ATP1A4: variants seen among roughly 807,000 people sequenced by gnomAD.
The protein encoded by ATP1A4 is ATPase Na+/K+ transporting subunit alpha 4.
A neutral mutation model predicts 114.3 loss-of-function variants in ATP1A4; 90 were observed. That is an observed-to-expected ratio of 0.79 (90% CI 0.66 to 0.94). ATP1A4 has a LOEUF of 0.94. Ranked by LOEUF, ATP1A4 falls within the 40% of genes least tolerant of loss-of-function variation. ATP1A4 has a pLI of 0.00. For synonymous variants in ATP1A4, 511 were observed against 494.1 expected (o/e 1.03, Z -0.45); for missense variants, 1,222 against 1,313.6 (o/e 0.93, Z 1.08).
chr1:160,175,121 C>A (rs747807728), intron 15 of ATP1A4, among the ~76,000 whole-genome samples: 21 of 152,080 alleles, frequency 1.4e-4, no homozygotes, highest in Non-Finnish European at 2.5e-4. Flanking sequence ...TTAGGAGGGT[C>A]CCCTAGGAAC....
chr1:160,173,968 A>G (rs1653358071), intron 13 of ATP1A4, 143 bp from the exon 14 acceptor site: 1 of 1,121,782 alleles, frequency 8.9e-7, no homozygotes, highest in Admixed American at 2.7e-5. Context: ...GGATGTGTCA[A>G]TTTGGGGACA....
intron 18 of ATP1A4, among the ~76,000 whole-genome samples, chr1:160,179,499 C>G (rs142309772): frequency 7.4e-4 from 112 of 152,310 alleles, no homozygotes; most frequent in Middle Eastern, 3.4e-3. Flanking sequence ...TTGCCCTGAG[C>G]AACAAACTCT....
At chr1:160,156,838 G>A (rs1370569925) in intron 4 of ATP1A4, among the ~76,000 whole-genome samples, 1 of 152,072 alleles carries the variant, frequency 6.6e-6, no homozygotes, top group Non-Finnish European at 1.5e-5. Flanking sequence ...CTATTCCGAG[G>A]GTGGTGGCTC....
intron 8 of ATP1A4, 26 bp downstream of exon 8, chr1:160,166,752 G>C (rs768485582): frequency 1.9e-6 from 3 of 1,613,874 alleles, no homozygotes; most frequent in Non-Finnish European, 2.5e-6. Context: ...GGTGGAACAA[G>C]AGTGGAGGGA....
chr1:160,175,272 C>T (rs1653419944), intron 15 of ATP1A4, among the ~76,000 whole-genome samples: 1 of 152,202 alleles, frequency 6.6e-6, no homozygotes, highest in Non-Finnish European at 1.5e-5. Context: ...ATCCAGAATT[C>T]TGCATTCCAG....
chr1:160,186,537 C>T (rs1653902099), intron 21 of ATP1A4, 134 bp from the exon 22 acceptor site: 1 of 1,141,316 alleles, frequency 8.8e-7, no homozygotes, highest in South Asian at 1.3e-5. Flanking sequence ...CACCCCTCTG[C>T]TCCATCTGAC....
At chr1:160,173,140 G>A (rs1040907462) in intron 12 of ATP1A4, among the ~76,000 whole-genome samples, 1 of 152,224 alleles carries the variant, frequency 6.6e-6, no homozygotes, top group African/African-American at 2.4e-5. Context: ...GGCACAGGGT[G>A]AGGCCACAGA....
In ATP1A4 at chr1:160,166,590, G is replaced by A. The variant is rs762651060; in HGVS notation, c.1110G>A (p.Glu370=). 1.9e-6 allele frequency: 3 copies of A among 1,614,140 alleles called. No individual in the cohort carries two copies. Among genetic ancestry groups the A allele is most frequent in the East Asian group, 2.2e-5 (1 of 44,902 alleles). Residue 370 remains glutamate (E), a synonymous_variant, in exon 8 of 22, where the codon GAG becomes GAA. Coordinates refer to ENST00000368081, the MANE Select transcript of ATP1A4 (RefSeq NM_144699.4). ...ARKNCLVKNL[E]AVETLGSTST... ...AGAACTGCCTGGTGAAGAACCTGGA[G>A]GCGGTGGAGACGCTGGGCTCCACGT...
In ATP1A4 at chr1:160,151,990, C is replaced by G; in HGVS notation, c.-51C>G. On this transcript the variant is annotated 5_prime_UTR_variant, in exon 1 of 22. Transcript: ENST00000368081. ...TCTTCCCTTCCCCTTGCCTCACTCT[C>G]TCAGCTTTCTTCCCACAGTTGAGCT... 1 of 1,579,472 alleles carries G rather than the reference C, an allele frequency of 6.3e-7. No individual in the cohort carries two copies. Among genetic ancestry groups the G allele is most frequent in the Non-Finnish European group, 8.6e-7 (1 of 1,164,024 alleles).
chr1:160,185,083 A>G (rs190841085), intron 20 of ATP1A4, among the ~76,000 whole-genome samples: 1 of 150,010 alleles, frequency 6.7e-6, no homozygotes, highest in Non-Finnish European at 1.5e-5. Flanking sequence ...CTAATATGAC[A>G]TTTATCATAT....
intron 10 of ATP1A4, among the ~76,000 whole-genome samples, chr1:160,169,515 C>T (rs1653160993): frequency 6.6e-6 from 1 of 152,174 alleles, no homozygotes; most frequent in Non-Finnish European, 1.5e-5. Flanking sequence ...CTCTTAATTG[C>T]TTAAGCATAT....
chr1:160,174,455 G>A (rs1557805113), intron 14 of ATP1A4, 124 bp from the exon 15 acceptor site: 13 of 1,462,406 alleles, frequency 8.9e-6, no homozygotes, highest in African/African-American at 2.8e-5. Context: ...GGAGAAGGAC[G>A]GGAGCCCTAA....
rs571075689 is a variant in ATP1A4 at position 160,173,709 on chromosome 1, C to T, written c.1983C>T (p.Val661=). Residue 661 remains valine, a synonymous_variant, in exon 13 of 22, where the codon GTC becomes GTT. Transcript: ENST00000368081. ...GGCTTAAGATCCCTATCAGCAAGGT[C>T]GATGCCAGGTGAGATCACTAAAGAA... ...AARLKIPISK[V]DASAAKAIVV... 1.2e-5 allele frequency: 20 copies of T among 1,614,114 alleles called. No individual in the cohort carries two copies. The highest frequency in any genetic ancestry group is 3.3e-4 in the Middle Eastern group (2 of 6,062).
Position 160,171,428 on chromosome 1 carries a change from G to A in ATP1A4, c.1669G>A (p.Glu557Lys), listed in dbSNP as rs1367205154. 1.2e-6 allele frequency: 2 copies of A among 1,613,996 alleles called. No homozygotes were observed. The highest frequency in any genetic ancestry group is 1.7e-6 in the Non-Finnish European group (2 of 1,179,910). ...CTACTTAGAACTGGGAGGTCTGGGGGAACGTGTGCTAGGTGAGGAGCTTTG... is the reference window on the plus strand; with the variant it reads ...CTACTTAGAACTGGGAGGTCTGGGGAAACGTGTGCTAGGTGAGGAGCTTTG... ...NAYLELGGLG[E>K]RVLGFCFLNL... The change falls in exon 11 of 22, where the codon GAA becomes AAA. Residue 557 changes from glutamate to lysine, a missense_variant. Glu to Lys is a moderately conservative substitution (Grantham distance 56, BLOSUM62 1). Coordinates refer to ENST00000368081, the MANE Select transcript of ATP1A4 (RefSeq NM_144699.4).
chr1:160,182,615 A>G (rs918269627), intron 20 of ATP1A4: 1 of 153,070 alleles, frequency 6.5e-6, no homozygotes, highest in African/African-American at 2.4e-5. Context: ...CCCAACTTGC[A>G]TAGGTAGCCT....
intron 15 of ATP1A4, among the ~76,000 whole-genome samples, chr1:160,175,041 C>T (rs1653412251): frequency 6.6e-6 from 1 of 152,188 alleles, no homozygotes; most frequent in Non-Finnish European, 1.5e-5. Context: ...TCTCACTGGA[C>T]TTCAAGTAGG....
chr1:160,164,136 C>T lies in ATP1A4; in HGVS notation c.779-20C>T, dbSNP rs771703383. 1.9e-6 allele frequency: 3 copies of T among 1,611,298 alleles called. No homozygotes were observed. Among genetic ancestry groups the T allele is most frequent in the South Asian group, 1.1e-5 (1 of 90,850 alleles). Reference sequence around the variant, plus strand: ...TATCATATCACAACATCACATTGCCCTCTCCTGCTTCATCCACAGGAACCG... The same window carrying T: ...TATCATATCACAACATCACATTGCCTTCTCCTGCTTCATCCACAGGAACCG... On this transcript the variant is annotated intron_variant, in intron 6 of 21. Transcript: ENST00000368081.
chr1:160,178,362 T>A (rs907320741), intron 18 of ATP1A4, among the ~76,000 whole-genome samples: 7 of 148,852 alleles, frequency 4.7e-5, no homozygotes, highest in South Asian at 2.1e-4. Context: ...TCTCAAAAAA[T>A]AAATAAATAA....
chr1:160,179,854 G>C (rs1237663696), intron 18 of ATP1A4, among the ~76,000 whole-genome samples: 4 of 152,056 alleles, frequency 2.6e-5, no homozygotes, highest in Non-Finnish European at 5.9e-5. Flanking sequence ...AGTCCAAGGG[G>C]GTCCAAGAAG....
Sources: gnomAD v4.1 joint callset for allele counts (sites outside exome capture counted in the v4.1 genomes callset) on GRCh38, gnomAD v4.1.1 for gene constraint, MANE v1.5 for transcripts, NCBI Gene and HGNC (gene_info 2026-07-23, HGNC 2026-07-21) for gene names.